Variants in FAM13C observed in about 807,000 individuals in gnomAD.
FAM13C encodes family with sequence similarity 13 member C, also known as protein FAM13C.
FAM13C carries 37 observed loss-of-function variants against 73.2 expected under a neutral mutation model. That is an observed-to-expected ratio of 0.51 (90% CI 0.39 to 0.67). The LOEUF (loss-of-function observed/expected upper bound fraction) is 0.67, where lower values mean the gene tolerates loss of function less well. FAM13C is among the 30% of genes least tolerant of loss of function. The probability of loss-of-function intolerance (pLI) is 0.00; values close to 1 mark genes in which losing one functional copy is unlikely to be tolerated. For missense variants in FAM13C, 589 were observed against 715.6 expected, an observed-to-expected ratio of 0.82 and a Z score of 2.02; for synonymous variants, 246 against 260.9, an observed-to-expected ratio of 0.94 and a Z score of 0.55.
At chr10:59,248,707 A>G (rs941327075) in intron 13 of FAM13C, among the ~76,000 whole-genome samples, 10 of 152,194 alleles carry the variant, frequency 6.6e-5, no homozygotes, top group African/African-American at 1.9e-4. Context: ...TAAATAGCAT[A>G]TATTTAATGT....
At chr10:59,338,924 C>G (rs953018352) in intron 3 of FAM13C, among the ~76,000 whole-genome samples, 1 of 152,196 alleles carries the variant, frequency 6.6e-6, no homozygotes, top group African/African-American at 2.4e-5. Context: ...GGCTTAAAAA[C>G]AGCAGAACTT....
rs182831078 is a variant in FAM13C at position 59,281,962 on chromosome 10, T to G, written c.592+1401A>C. Among the ~76,000 whole-genome samples, 25 of 152,350 alleles carry G rather than the reference T, an allele frequency of 1.6e-4. No individual in the cohort carries two copies. In the East Asian group the frequency reaches 4.6e-3, roughly 28 times the overall value. On this transcript the variant is annotated intron_variant, in intron 6 of 13. Transcript: ENST00000618804. ...TTGTCTGTTTGCAGGGAGTGGAATC[T>G]GGTGTTGAGGGAAGAAAAGGGATGT...
At chr10:59,280,621 G>A (rs1264635988) in intron 6 of FAM13C, among the ~76,000 whole-genome samples, 2 of 152,220 alleles carry the variant, frequency 1.3e-5, no homozygotes, top group African/African-American at 4.8e-5. Context: ...ACTGTCTAGA[G>A]AGGATGCCAG....
intron 10 of FAM13C, among the ~76,000 whole-genome samples, chr10:59,256,094 C>T (rs530417581): frequency 4.6e-5 from 7 of 152,072 alleles, no homozygotes; most frequent in Non-Finnish European, 8.8e-5. Context: ...TTTTCATTTT[C>T]TAACCCAATC....
intron 6 of FAM13C, among the ~76,000 whole-genome samples, chr10:59,279,225 TCAGA>T (rs1844662486): frequency 6.6e-6 from 1 of 152,232 alleles, no homozygotes; most frequent in South Asian, 2.1e-4. Flanking sequence ...GGTAGGGATC[TCAGA>T]CAGCTGTAAA....
intron 3 of FAM13C, among the ~76,000 whole-genome samples, chr10:59,330,641 A>C (rs1263706887): frequency 6.6e-6 from 1 of 152,136 alleles, no homozygotes; most frequent in Non-Finnish European, 1.5e-5. Flanking sequence ...AGCTGCCTTG[A>C]GTATTTTGAC....
At chr10:59,290,748 C>T (rs888978725) in intron 5 of FAM13C, among the ~76,000 whole-genome samples, 3 of 152,164 alleles carry the variant, frequency 2.0e-5, no homozygotes, top group East Asian at 1.9e-4. Flanking sequence ...GAGCTAGCAC[C>T]GTACCTCCAT....
At chr10:59,360,422 T>C (rs1409723688) in intron 1 of FAM13C, among the ~76,000 whole-genome samples, 4 of 151,984 alleles carry the variant, frequency 2.6e-5, no homozygotes, top group African/African-American at 9.7e-5. Context: ...ATCCAGAACA[T>C]AGAGGGGAGA....
rs191798424 is a variant in FAM13C at position 59,340,220 on chromosome 10, A to T, written c.324+12050T>A. Reference sequence around the variant, plus strand: ...GCAGTTACTGAATTTTCTGATTAAAAAAAAATTTTTTTTAAAAAGAGTCTG... The same window carrying T: ...GCAGTTACTGAATTTTCTGATTAAATAAAAATTTTTTTTAAAAAGAGTCTG... On this transcript the variant is annotated intron_variant, in intron 3 of 13. Transcript: ENST00000618804. 4.0e-3 allele frequency among the ~76,000 whole-genome samples: 606 copies of T among 152,304 alleles called. 4 individuals carry two copies. Among genetic ancestry groups the T allele is most frequent in the African/African-American group, 0.014 (580 of 41,558 alleles).
chr10:59,347,560 G>A (rs569875434), intron 3 of FAM13C, among the ~76,000 whole-genome samples: 22 of 151,804 alleles, frequency 1.4e-4, no homozygotes, highest in Non-Finnish European at 2.6e-4. Flanking sequence ...TAAGTTCTGG[G>A]GTACACGTGC....
chr10:59,281,150 T>C (rs181594411), intron 6 of FAM13C, among the ~76,000 whole-genome samples: 5 of 152,344 alleles, frequency 3.3e-5, no homozygotes, highest in Admixed American at 6.5e-5. Context: ...TTATGGACTA[T>C]GGCCATCTGT....
intron 10 of FAM13C, among the ~76,000 whole-genome samples, chr10:59,257,683 TAAAC>T (rs1250269893): frequency 1.3e-5 from 2 of 152,164 alleles, no homozygotes; most frequent in African/African-American, 4.8e-5. Flanking sequence ...CCATTTAAAT[TAAAC>T]AATCAAACAA....
chr10:59,348,025 C>T (rs1482471090), intron 3 of FAM13C, among the ~76,000 whole-genome samples: 2 of 151,920 alleles, frequency 1.3e-5, no homozygotes, highest in East Asian at 1.9e-4. Flanking sequence ...TTATTTACAC[C>T]TTTGTTTTTA....
intron 3 of FAM13C, among the ~76,000 whole-genome samples, chr10:59,351,347 C>A (rs1335643057): frequency 4.6e-5 from 5 of 108,506 alleles, no homozygotes; most frequent in East Asian, 3.1e-4. Flanking sequence ...AAAAAAAAAG[C>A]ATCATGAATC....
At chr10:59,317,947 A>C (rs1040704912) in intron 4 of FAM13C, among the ~76,000 whole-genome samples, 6 of 137,162 alleles carry the variant, frequency 4.4e-5, no homozygotes, top group Non-Finnish European at 9.2e-5. Context: ...TCCTGTGTCC[A>C]TGTGTTCTAG....
At chr10:59,299,699 AGACT>A (rs1213087121) in intron 5 of FAM13C, among the ~76,000 whole-genome samples, 1 of 152,140 alleles carries the variant, frequency 6.6e-6, no homozygotes, top group African/African-American at 2.4e-5. Flanking sequence ...ATGGACTGGC[AGACT>A]GACTAAGACC....
intron 4 of FAM13C, among the ~76,000 whole-genome samples, chr10:59,320,092 T>C (rs1304786607): frequency 6.6e-6 from 1 of 152,022 alleles, no homozygotes; most frequent in Non-Finnish European, 1.5e-5. Flanking sequence ...AGAGCATAAA[T>C]AAATGAGGAG....
At chr10:59,345,040 C>T (rs375399869) in intron 3 of FAM13C, among the ~76,000 whole-genome samples, 3 of 152,226 alleles carry the variant, frequency 2.0e-5, no homozygotes, top group Non-Finnish European at 2.9e-5. Flanking sequence ...ACCGTAAATT[C>T]TTTAAATTAG....
chr10:59,314,203 C>T (rs994866926), intron 4 of FAM13C, among the ~76,000 whole-genome samples: 1 of 152,074 alleles, frequency 6.6e-6, no homozygotes, highest in Non-Finnish European at 1.5e-5. Flanking sequence ...GATGTATTGG[C>T]AAGCCATAGA....
Sources: allele counts gnomAD v4.1 joint callset (sites outside exome capture counted in the v4.1 genomes callset), GRCh38; gene constraint gnomAD v4.1.1; transcripts MANE v1.5; gene names NCBI Gene and HGNC (gene_info 2026-07-23, HGNC 2026-07-21).